Variants in TNRC6B observed in about 807,000 individuals in gnomAD.
TNRC6B encodes the protein trinucleotide repeat-containing gene 6B protein.
A neutral mutation model predicts 203.6 loss-of-function variants in TNRC6B; 52 were observed. The observed-to-expected ratio is 0.26, with a 90% CI of 0.20 to 0.32. TNRC6B has a LOEUF of 0.32. Among genes scored for constraint, TNRC6B ranks in the 10% least tolerant of loss-of-function variants. The probability of loss-of-function intolerance (pLI) is 1.00; values close to 1 mark genes in which losing one functional copy is unlikely to be tolerated. For synonymous variants in TNRC6B, 838 were observed against 845.7 expected (o/e 0.99, Z 0.16); for missense variants, 1,923 against 2,286.2 (o/e 0.84, Z 3.24).
At chr22:40,193,966 T>G (rs1324174318) in intron 1 of TNRC6B, among the ~76,000 whole-genome samples, 3 of 151,006 alleles carry the variant, frequency 2.0e-5, no homozygotes, top group Non-Finnish European at 3.0e-5. Flanking sequence ...TGTGCAGGGG[T>G]TTTTTTTCCC....
Position 40,070,259 on chromosome 22 carries a change from TACTTG to T in TNRC6B, c.-121+25266_-121+25270del, listed in dbSNP as rs569297904. On this transcript the variant is annotated intron_variant, in intron 1 of 23. Coordinates refer to the TNRC6B transcript ENST00000301923. ...TTTTCATTTCTTGTAGCTGTTCTATTACTTGACTTTTATTTTGTGATTTAGTAACT... is the reference window on the plus strand; with the variant it reads ...TTTTCATTTCTTGTAGCTGTTCTATTACTTTTATTTTGTGATTTAGTAACT... 2.2e-4 allele frequency among the ~76,000 whole-genome samples: 33 copies of T among 152,350 alleles called. No homozygotes were observed. The South Asian group carries it at 6.8e-3, about 32-fold the overall frequency.
intron 2 of TNRC6B, among the ~76,000 whole-genome samples, chr22:40,125,395 C>T (rs561022948): frequency 1.3e-5 from 2 of 152,250 alleles, no homozygotes; most frequent in African/African-American, 4.8e-5. Context: ...CCTGCAGGGG[C>T]GGAACAACAG....
chr22:40,246,211 A>T, intron 2 of TNRC6B, 109 bp downstream of exon 2: 1 of 861,858 alleles, frequency 1.2e-6, no homozygotes, highest in Non-Finnish European at 1.7e-6. Context: ...TTTTCCTGAG[A>T]TGGAGTCTTG....
chr22:40,249,418 C>T (rs1301979859), intron 2 of TNRC6B, among the ~76,000 whole-genome samples: 1 of 152,184 alleles, frequency 6.6e-6, no homozygotes, highest in African/African-American at 2.4e-5. Flanking sequence ...TTGGCTCTTC[C>T]TGGAGCCATC....
At chr22:40,309,439 A>G (rs1470868451) in intron 16 of TNRC6B, among the ~76,000 whole-genome samples, 1 of 152,236 alleles carries the variant, frequency 6.6e-6, no homozygotes, top group Non-Finnish European at 1.5e-5. Flanking sequence ...CCACTCTTTA[A>G]TAAGCCCATC....
chr22:40,310,539 G>A (rs2071162168), intron 16 of TNRC6B, among the ~76,000 whole-genome samples: 1 of 152,150 alleles, frequency 6.6e-6, no homozygotes, highest in African/African-American at 2.4e-5. Context: ...AATTTCATAA[G>A]ACCATGGAAT....
intron 12 of TNRC6B, among the ~76,000 whole-genome samples, chr22:40,294,208 G>A (rs890620129): frequency 4.6e-5 from 7 of 151,968 alleles, no homozygotes; most frequent in Admixed American, 1.3e-4. Context: ...AGCCATGATC[G>A]TGCCACTGCA....
At chr22:40,132,698 C>T (rs2068558406) in intron 3 of TNRC6B, among the ~76,000 whole-genome samples, 1 of 145,882 alleles carries the variant, frequency 6.9e-6, no homozygotes, top group South Asian at 2.2e-4. Context: ...AATCCCAGCA[C>T]TTAGGGAGGC....
At chr22:40,162,860 A>G (rs1216629684) in intron 4 of TNRC6B, among the ~76,000 whole-genome samples, 1 of 152,114 alleles carries the variant, frequency 6.6e-6, no homozygotes, top group African/African-American at 2.4e-5. Flanking sequence ...AAAATGCCAC[A>G]AAGAGGTTCA....
chr22:40,136,035 A>C (rs1040883329), intron 3 of TNRC6B, among the ~76,000 whole-genome samples: 11 of 152,168 alleles, frequency 7.2e-5, no homozygotes. Flanking sequence ...GTAGGTGAGG[A>C]AGTAGATCCC....
intron 10 of TNRC6B, 60 bp from the exon 11 acceptor site, chr22:40,281,059 C>T: frequency 2.2e-6 from 3 of 1,353,234 alleles, no homozygotes; most frequent in South Asian, 1.5e-5. Context: ...TCCCTTCTTG[C>T]ATTCTGTTGC....
At chr22:40,242,284 C>CTA (rs1210517031) in intron 1 of TNRC6B, among the ~76,000 whole-genome samples, 1 of 151,936 alleles carries the variant, frequency 6.6e-6, no homozygotes, top group South Asian at 2.1e-4. Flanking sequence ...TTTATTGTGT[C>CTA]TATATATATT....
Position 40,234,135 on chromosome 22 carries a change from A to C in TNRC6B, c.6-11880A>C, listed in dbSNP as rs373930159. Among the ~76,000 whole-genome samples the C allele has an allele frequency of 1.8e-4, 28 of 152,284 alleles. No homozygotes were observed. The East Asian group carries it at 4.6e-3, about 25-fold the overall frequency. On this transcript the variant is annotated intron_variant, in intron 1 of 22. Coordinates refer to ENST00000454349, the MANE Select transcript of TNRC6B (RefSeq NM_001162501.2). ...ACCCCATCTGTACAAAAAATTAAAA[A>C]ATTAGCTGCACATGGTGGTGCATGT...
At chr22:40,080,488 A>G (rs557952689) in intron 1 of TNRC6B, among the ~76,000 whole-genome samples, 3 of 152,278 alleles carry the variant, frequency 2.0e-5, no homozygotes, top group African/African-American at 7.2e-5. Context: ...TCACTCTGCT[A>G]TTTAAACACA....
chr22:40,193,995 AAC>A (rs1039499868), intron 1 of TNRC6B, among the ~76,000 whole-genome samples: 2 of 152,174 alleles, frequency 1.3e-5, no homozygotes, highest in African/African-American at 4.8e-5. Flanking sequence ...GAAGGTGAAG[AAC>A]ACAGTTAGTT....
intron 1 of TNRC6B, among the ~76,000 whole-genome samples, chr22:40,099,564 T>C (rs571638952): frequency 3.3e-5 from 5 of 152,294 alleles, no homozygotes; most frequent in African/African-American, 9.6e-5. Context: ...TGAACACATA[T>C]AGACTATTTT....
At chr22:40,279,197 G>A (rs1266808192) in intron 9 of TNRC6B, among the ~76,000 whole-genome samples, 2 of 152,204 alleles carry the variant, frequency 1.3e-5, no homozygotes. Context: ...AGTGGAAACG[G>A]TGTTAGCCAC....
chr22:40,158,186 A>G (rs1415175702), intron 4 of TNRC6B, among the ~76,000 whole-genome samples: 1 of 151,936 alleles, frequency 6.6e-6, no homozygotes, highest in African/African-American at 2.4e-5. Flanking sequence ...AAAAAAATAC[A>G]AAATTAGCCA....
At position 40,310,943 on chromosome 22, in the gene TNRC6B, C is replaced by T. The variant is rs768658157; in HGVS notation, c.4385C>T (p.Pro1462Leu). ...GATAGCTGGTTACCTGCCAAATCTC[C>T]ACCAACAAATAAAATCGGAAGTAAA... ...AGDSWLPAKS[P>L]PTNKIGSKSS... The change falls in exon 17 of 23, where the codon CCA (proline) becomes CTA (leucine). Residue 1462 changes from proline to leucine, a missense_variant. Around this residue, in one of 8 missense-constraint regions of TNRC6B, gnomAD observed 242 missense variants for 399.5 expected, o/e 0.61. Transcript: ENST00000454349. The T allele has an allele frequency of 1.2e-6, 2 of 1,610,492 alleles. No individual in the cohort carries two copies. Among genetic ancestry groups the T allele is most frequent in the South Asian group, 1.1e-5 (1 of 90,452 alleles).
Sources: allele counts gnomAD v4.1 joint callset (sites outside exome capture counted in the v4.1 genomes callset), GRCh38; gene constraint gnomAD v4.1.1; regional missense constraint gnomAD v4.1.1; transcripts MANE v1.5; gene names NCBI Gene and HGNC (gene_info 2026-07-23, HGNC 2026-07-21).